Variants in CDH12 observed in about 807,000 individuals in gnomAD.
The protein encoded by CDH12 is cadherin-12.
A neutral mutation model predicts 74.1 loss-of-function variants in CDH12; 41 were observed. That is an observed-to-expected ratio of 0.55 (90% confidence interval 0.43 to 0.72). CDH12 has a LOEUF of 0.72. CDH12 is among the 30% of genes least tolerant of loss of function. CDH12 has a pLI of 0.00. For synonymous variants in CDH12, 399 were observed against 355.0 expected (o/e 1.12, Z -1.39); for missense variants, 945 against 977.2 (o/e 0.97, Z 0.44).
At chr5:22,035,555 G>T (rs1482344818) in intron 5 of CDH12, among the ~76,000 whole-genome samples, 2 of 152,122 alleles carry the variant, frequency 1.3e-5, no homozygotes, top group East Asian at 3.9e-4. Flanking sequence ...GGTTGAAAAT[G>T]TGTCTGAAAA....
At chr5:22,395,280 T>C (rs1019167438) in intron 3 of CDH12, among the ~76,000 whole-genome samples, 3 of 152,048 alleles carry the variant, frequency 2.0e-5, no homozygotes, top group African/African-American at 7.2e-5. Context: ...GTGACTGTAA[T>C]CCAAGGAAGC....
At chr5:21,942,304 AT>A (rs1305789237) in intron 6 of CDH12, among the ~76,000 whole-genome samples, 1 of 148,586 alleles carries the variant, frequency 6.7e-6, no homozygotes, top group Non-Finnish European at 1.5e-5. Context: ...GTTGGTAGTA[AT>A]GTGCTCCAGC....
intron 1 of CDH12, among the ~76,000 whole-genome samples, chr5:22,801,777 T>G (rs1748542611): frequency 3.3e-5 from 5 of 150,276 alleles, no homozygotes; most frequent in Admixed American, 2.7e-4. Flanking sequence ...GCAACTTTGT[T>G]TCTGTCCTGT....
chr5:22,648,829 C>T (rs989989652), intron 1 of CDH12, among the ~76,000 whole-genome samples: 1 of 151,996 alleles, frequency 6.6e-6, no homozygotes, highest in East Asian at 1.9e-4. Context: ...TAAATGACAA[C>T]ATATTCATGA....
chr5:22,365,965 T>C, intron 3 of CDH12, among the ~76,000 whole-genome samples: 1 of 152,130 alleles, frequency 6.6e-6, no homozygotes, highest in East Asian at 1.9e-4. Flanking sequence ...CTTTTTGTTT[T>C]GTTTTGTTTT....
intron 3 of CDH12, among the ~76,000 whole-genome samples, chr5:22,376,914 T>C (rs1741554090): frequency 6.6e-6 from 1 of 152,088 alleles, no homozygotes; most frequent in Non-Finnish European, 1.5e-5. Flanking sequence ...AGTAAATAAA[T>C]ATAAATAGTT....
At position 22,135,216 on chromosome 5, in the gene CDH12, A is replaced by T. The variant is rs554343181; in HGVS notation, c.-186-56354T>A. Among the ~76,000 whole-genome samples the T allele has an allele frequency of 5.3e-5, 8 of 151,382 alleles. No homozygotes were observed. In the South Asian group the frequency reaches 1.7e-3, roughly 31 times the overall value. ...AGAGGCTGAACACATAAGCAAAAAA[A>T]AAAAAAAAAGAAAGAAAATCAGACC... On this transcript the variant is annotated intron_variant, in intron 4 of 14. Transcript: ENST00000382254.
At chr5:21,918,554 C>T (rs1213723049) in intron 6 of CDH12, among the ~76,000 whole-genome samples, 2 of 151,986 alleles carry the variant, frequency 1.3e-5, no homozygotes, top group African/African-American at 4.8e-5. Flanking sequence ...AAGCAAGGCA[C>T]CTTCTTCACA....
chr5:22,660,966 A>G (rs997407749), intron 1 of CDH12, among the ~76,000 whole-genome samples: 3 of 152,162 alleles, frequency 2.0e-5, no homozygotes, highest in Non-Finnish European at 2.9e-5. Context: ...CAAACAGCTC[A>G]AAGTTTTCAT....
chr5:22,164,390 G>A (rs4521438), intron 4 of CDH12, among the ~76,000 whole-genome samples: 45,238 of 152,108 alleles, frequency 0.3, 7,138 homozygotes, highest in South Asian at 0.38. Context: ...ACTTTAACCC[G>A]ATGGGGAGCG....
At chr5:22,705,130 T>TATATATATACACACAC (rs752782183) in intron 1 of CDH12, among the ~76,000 whole-genome samples, 18 of 125,616 alleles carry the variant, frequency 1.4e-4, no homozygotes, top group South Asian at 2.8e-4. Flanking sequence ...TATATATATA[T>TATATATATACACACAC]ACACACACAC....
In CDH12 at chr5:22,707,960, C is replaced by T. The variant is rs536186927; in HGVS notation, c.-523+145098G>A. Among the ~76,000 whole-genome samples the T allele has an allele frequency of 3.9e-5, 6 of 152,136 alleles. No homozygotes were observed. The East Asian group carries it at 5.8e-4, about 15-fold the overall frequency. ...TAAGAGTTTTTCTTCAGTTTCTAATCGGCTCTATAACATTGATACAGTAAA... is the reference window on the plus strand; with the variant it reads ...TAAGAGTTTTTCTTCAGTTTCTAATTGGCTCTATAACATTGATACAGTAAA... On this transcript the variant is annotated intron_variant, in intron 1 of 14. Transcript: ENST00000382254.
At chr5:22,014,357 G>A (rs1411673017) in intron 5 of CDH12, among the ~76,000 whole-genome samples, 5 of 152,098 alleles carry the variant, frequency 3.3e-5, no homozygotes, top group Non-Finnish European at 7.3e-5. Context: ...AGTTCATTGA[G>A]TACATGTTCA....
chr5:22,027,094 CT>C (rs1180452855), intron 5 of CDH12, among the ~76,000 whole-genome samples: 3 of 152,048 alleles, frequency 2.0e-5, no homozygotes, highest in Admixed American at 2.0e-4. Flanking sequence ...GTCTTTGGTT[CT>C]GTTTATATGC....
chr5:22,541,990 C>A (rs138790882), intron 1 of CDH12, among the ~76,000 whole-genome samples: 25 of 152,258 alleles, frequency 1.6e-4, no homozygotes, highest in African/African-American at 6.0e-4. Flanking sequence ...GGCTACAAAG[C>A]CAATACAGAC....
At chr5:22,697,366 T>C (rs1742426653) in intron 1 of CDH12, among the ~76,000 whole-genome samples, 1 of 151,898 alleles carries the variant, frequency 6.6e-6, no homozygotes, top group East Asian at 2.0e-4. Context: ...GGTCAGGAGA[T>C]CAAGACCATC....
intron 1 of CDH12, among the ~76,000 whole-genome samples, chr5:22,618,153 A>G (rs1737782615): frequency 6.6e-6 from 1 of 152,090 alleles, no homozygotes; most frequent in African/African-American, 2.4e-5. Context: ...TAGTTTGCAG[A>G]TGTCAAAATT....
At chr5:22,201,770 T>C (rs1311285632) in intron 4 of CDH12, among the ~76,000 whole-genome samples, 1 of 152,128 alleles carries the variant, frequency 6.6e-6, no homozygotes, top group Non-Finnish European at 1.5e-5. Context: ...CAAGCTTGTA[T>C]TCAGAGATAT....
At position 22,567,630 on chromosome 5, in the gene CDH12, T is replaced by C. The variant is rs1176354516; in HGVS notation, c.-522-62266A>G. ...TGCTCCATTTTGGTCTCTTTTGTTA[T>C]AATAATCAGGCAAACTGAACTAGTG... On this transcript the variant is annotated intron_variant, in intron 1 of 14. Transcript: ENST00000382254. 2.7e-5 allele frequency among the ~76,000 whole-genome samples: 4 copies of C among 146,264 alleles called. No homozygotes were observed. In the East Asian group the frequency reaches 9.1e-4, roughly 33 times the overall value.
Sources: allele counts gnomAD v4.1 joint callset (sites outside exome capture counted in the v4.1 genomes callset), GRCh38; gene constraint gnomAD v4.1.1; transcripts MANE v1.5; gene names NCBI Gene and HGNC (gene_info 2026-07-23, HGNC 2026-07-21).